The following FGF12 variants were observed in gnomAD, a reference collection of about 807,000 sequenced individuals.
FGF12 encodes the protein fibroblast growth factor 12, also known as fibroblast growth factor 12B.
A neutral mutation model predicts 23.6 loss-of-function variants in FGF12; 14 were observed. That is an observed-to-expected ratio of 0.59 (90% CI 0.39 to 0.93). The LOEUF (loss-of-function observed/expected upper bound fraction) is 0.93. FGF12 is among the 40% of genes least tolerant of loss of function. The pLI is 0.00. For missense variants in FGF12, 175 were observed against 217.8 expected (o/e 0.80, Z 1.24); for synonymous variants, 62 against 77.3 (o/e 0.80, Z 1.04).
rs567081150 is a variant in FGF12, at chr3:192,291,515, C to T, written c.228+43846G>A. Among the ~76,000 whole-genome samples the T allele has an allele frequency of 3.3e-5, 5 of 151,532 alleles. No homozygotes were observed. In the South Asian group the frequency reaches 8.3e-4, roughly 25 times the overall value. Reference sequence around the variant, plus strand: ...GAAGAATTGCTTGGGCCTGGGAGGTCGAGGTTGCAGTGAGCCAAGGTTGCA... The same window carrying T: ...GAAGAATTGCTTGGGCCTGGGAGGTTGAGGTTGCAGTGAGCCAAGGTTGCA... On this transcript the variant is annotated intron_variant, in intron 4 of 5. Transcript: ENST00000445105.
intron 2 of FGF12, among the ~76,000 whole-genome samples, chr3:192,703,322 C>G (rs1386199129): frequency 6.6e-6 from 1 of 152,172 alleles, no homozygotes; most frequent in African/African-American, 2.4e-5. Flanking sequence ...AGCATTATGT[C>G]TAAAAAATAA....
In FGF12 at chr3:192,177,069, G is replaced by T. The variant is rs369100749; in HGVS notation, c.229-6413C>A. Reference sequence around the variant, plus strand: ...ATGAACAGAATAGAAAAACAGAATTGTCCAGGACACATGGAGAAATAAACA... The same window carrying T: ...ATGAACAGAATAGAAAAACAGAATTTTCCAGGACACATGGAGAAATAAACA... On this transcript the variant is annotated intron_variant, in intron 4 of 5. Coordinates refer to ENST00000445105, the MANE Select transcript of FGF12 (RefSeq NM_004113.6). Among the ~76,000 whole-genome samples the T allele has an allele frequency of 3.3e-5, 5 of 152,308 alleles. No individual in the cohort carries two copies. In the East Asian group the frequency reaches 5.8e-4, roughly 18 times the overall value.
intron 4 of FGF12, among the ~76,000 whole-genome samples, chr3:192,308,198 C>G (rs115179793): frequency 0.015 from 2,207 of 152,126 alleles, 62 homozygotes; most frequent in African/African-American, 0.05. Flanking sequence ...AAAAACCAGA[C>G]AGTAAAAGAA....
chr3:192,163,836 T>C (rs1577191702), intron 5 of FGF12, among the ~76,000 whole-genome samples: 2 of 151,868 alleles, frequency 1.3e-5, no homozygotes, highest in African/African-American at 4.8e-5. Context: ...TGAGTGTGTG[T>C]GTGTGTGTGT....
intron 2 of FGF12, among the ~76,000 whole-genome samples, chr3:192,613,418 G>A (rs1714624549): frequency 6.6e-6 from 1 of 151,788 alleles, no homozygotes; most frequent in Non-Finnish European, 1.5e-5. Context: ...GAAAGTGTTT[G>A]CTATAAAAAT....
intron 3 of FGF12, among the ~76,000 whole-genome samples, chr3:192,342,347 T>C (rs1231064392): frequency 6.6e-6 from 1 of 152,180 alleles, no homozygotes; most frequent in Admixed American, 6.5e-5. Context: ...GTACAAAGTC[T>C]GAAATGGCAG....
At chr3:192,205,890 G>A (rs1389228836) in intron 4 of FGF12, among the ~76,000 whole-genome samples, 2 of 152,142 alleles carry the variant, frequency 1.3e-5, no homozygotes, top group African/African-American at 2.4e-5. Flanking sequence ...GCATGGCTAT[G>A]CATATTGAAG....
intron 4 of FGF12, among the ~76,000 whole-genome samples, chr3:192,277,467 A>T (rs1438407894): frequency 2.0e-5 from 3 of 152,222 alleles, no homozygotes; most frequent in Non-Finnish European, 4.4e-5. Context: ...GGGAAACCAA[A>T]GAATGATGCT....
At chr3:192,608,704 T>C (rs1714438479) in intron 2 of FGF12, among the ~76,000 whole-genome samples, 1 of 152,130 alleles carries the variant, frequency 6.6e-6, no homozygotes, top group Non-Finnish European at 1.5e-5. Context: ...GATGATTTCA[T>C]TATTGCTACT....
intron 4 of FGF12, among the ~76,000 whole-genome samples, chr3:192,221,064 G>C (rs958761674): frequency 6.6e-6 from 1 of 152,198 alleles, no homozygotes; most frequent in Non-Finnish European, 1.5e-5. Flanking sequence ...AAGAGTACTG[G>C]TAACAAGATA....
chr3:192,364,502 A>G (rs1490695858), intron 2 of FGF12, among the ~76,000 whole-genome samples: 1 of 152,192 alleles, frequency 6.6e-6, no homozygotes, highest in Non-Finnish European at 1.5e-5. Flanking sequence ...CAGCTAGACC[A>G]TATGTCCTAG....
At chr3:192,378,027 T>TTCTC (rs201892529) in intron 2 of FGF12, among the ~76,000 whole-genome samples, 178 of 7,588 alleles carry the variant, frequency 0.023, 33 homozygotes, top group African/African-American at 0.16. Context: ...GACTCTTTCT[T>TTCTC]TTCTTTCTTT....
At position 192,158,382 on chromosome 3, in the gene FGF12, C is replaced by CTT. The variant is rs145453891; in HGVS notation, c.427+12074_427+12075dup. Among the ~76,000 whole-genome samples the CTT allele has an allele frequency of 1.7e-3, 137 of 81,538 alleles. 2 individuals carry two copies. The highest frequency in any genetic ancestry group is 7.5e-3 in the African/African-American group (132 of 17,512). The allele number at this position is 81,538 out of a possible 152,430, so 53.5% of individuals were successfully genotyped here. On this transcript the variant is annotated intron_variant, in intron 5 of 5. Transcript: ENST00000445105. ...TCTTTCTTTCTTTCTTTCTTTCTTT[C>CTT]TTTTCTTTCTCTCTCTTTCTTTTTC...
chr3:192,426,459 C>A (rs1009449108), intron 2 of FGF12, among the ~76,000 whole-genome samples: 2 of 152,122 alleles, frequency 1.3e-5, no homozygotes, highest in African/African-American at 4.8e-5. Context: ...CAGGAAGCTA[C>A]AAGGGAACAT....
At chr3:192,215,010 C>T (rs1718118679) in intron 4 of FGF12, among the ~76,000 whole-genome samples, 1 of 152,162 alleles carries the variant, frequency 6.6e-6, no homozygotes, top group South Asian at 2.1e-4. Context: ...AAGAGAGCTG[C>T]CTTACAATGA....
chr3:192,627,351 G>C (rs569576380), intron 2 of FGF12, among the ~76,000 whole-genome samples: 3 of 151,850 alleles, frequency 2.0e-5, no homozygotes, highest in Admixed American at 1.3e-4. Flanking sequence ...TATTATGTAG[G>C]TTATTTTTAG....
chr3:192,581,524 T>G (rs1402781189), intron 2 of FGF12, among the ~76,000 whole-genome samples: 1 of 149,766 alleles, frequency 6.7e-6, no homozygotes, highest in Non-Finnish European at 1.5e-5. Flanking sequence ...GAAGAATACA[T>G]GCAAAAATGT....
At chr3:192,640,630 T>C (rs1715756769) in intron 2 of FGF12, among the ~76,000 whole-genome samples, 2 of 152,314 alleles carry the variant, frequency 1.3e-5, no homozygotes, top group South Asian at 2.1e-4. Flanking sequence ...CAATCTTACA[T>C]AAAATGTGTT....
Position 192,727,271 on chromosome 3 carries a change from G to A in FGF12, c.-78C>T, listed in dbSNP as rs944825628. ...GGGCCCGCTTCAGATTCCCAAATCT[G>A]GGAAGCCAATCTGATGATTTCGCCC... On this transcript the variant is annotated 5_prime_UTR_variant, in exon 2 of 6. Coordinates refer to ENST00000445105, the MANE Select transcript of FGF12 (RefSeq NM_004113.6). 6.4e-7 allele frequency: 1 copy of A among 1,554,380 alleles called. No individual in the cohort carries two copies. Among genetic ancestry groups the A allele is most frequent in the Admixed American group, 2.0e-5 (1 of 51,188 alleles).
Sources: allele counts gnomAD v4.1 joint callset (sites outside exome capture counted in the v4.1 genomes callset), GRCh38; gene constraint gnomAD v4.1.1; transcripts MANE v1.5; gene names NCBI Gene and HGNC (gene_info 2026-07-23, HGNC 2026-07-21).